XKR6: variants seen among roughly 807,000 people sequenced by gnomAD.
XKR6 encodes XK related 6, also known as XK-related protein 6.
A neutral mutation model predicts 56.7 loss-of-function variants in XKR6; 22 were observed. The ratio of observed to expected loss-of-function variants is 0.39; its 90% CI spans 0.28 to 0.55. The LOEUF is 0.55. Ranked by LOEUF, XKR6 falls within the 20% of genes least tolerant of loss-of-function variation. The probability of loss-of-function intolerance (pLI) is 0.66; values close to 1 mark genes in which losing one functional copy is unlikely to be tolerated. For synonymous variants in XKR6, 524 were observed against 387.8 expected (o/e 1.35, Z -4.13); for missense variants, 852 against 889.0 (o/e 0.96, Z 0.53).
chr8:10,970,634 T>G lies in XKR6; in HGVS notation c.765-45804A>C, dbSNP rs374756916. Reference sequence around the variant, plus strand: ...AACTGTTCATTCCTGTGATTCTCAGTGTTTTTCCTCATCAGGGTGGATTGT... The same window carrying G: ...AACTGTTCATTCCTGTGATTCTCAGGGTTTTTCCTCATCAGGGTGGATTGT... On this transcript the variant is annotated intron_variant, in intron 1 of 2. Transcript: ENST00000416569. Among the ~76,000 whole-genome samples the G allele has an allele frequency of 4.6e-5, 7 of 152,204 alleles. No individual in the cohort carries two copies. The East Asian group carries it at 7.7e-4, about 17-fold the overall frequency.
At chr8:10,966,869 C>T (rs978640596) in intron 1 of XKR6, among the ~76,000 whole-genome samples, 3 of 152,012 alleles carry the variant, frequency 2.0e-5, no homozygotes, top group Admixed American at 6.5e-5. Flanking sequence ...AATCACCTGA[C>T]GAGCCCTTCC....
chr8:10,958,245 A>G lies in XKR6; in HGVS notation c.765-33415T>C, dbSNP rs537921065. On this transcript the variant is annotated intron_variant, in intron 1 of 2. Coordinates refer to ENST00000416569, the MANE Select transcript of XKR6 (RefSeq NM_173683.4). ...ATGGCAACCAAGCCAAGTCATCTGC[A>G]GAAGGAACGTTCTCTGTGTGCCATC... is the stretch of plus-strand genomic sequence containing the variant. Among the ~76,000 whole-genome samples, 112 of 152,374 alleles carry G rather than the reference A, an allele frequency of 7.4e-4. 2 individuals carry two copies. The highest frequency in any genetic ancestry group is 5.9e-4 in the Non-Finnish European group (40 of 68,034).
At chr8:11,067,366 C>G (rs922045086) in intron 1 of XKR6, among the ~76,000 whole-genome samples, 16 of 152,226 alleles carry the variant, frequency 1.1e-4, no homozygotes, top group Non-Finnish European at 1.5e-4. Context: ...CAGAGCCCCC[C>G]ACCCGGGTGA....
intron 1 of XKR6, among the ~76,000 whole-genome samples, chr8:11,041,583 T>A (rs958398809): frequency 6.6e-6 from 1 of 150,784 alleles, no homozygotes; most frequent in African/African-American, 2.4e-5. Flanking sequence ...AACTTAGGTT[T>A]TGGGAATGAT....
chr8:10,908,416 C>T (rs1452555754), intron 2 of XKR6, among the ~76,000 whole-genome samples: 2 of 152,012 alleles, frequency 1.3e-5, no homozygotes, highest in Non-Finnish European at 2.9e-5. Flanking sequence ...TGGAACCAGC[C>T]TGCTTCCCCC....
chr8:11,009,179 G>A (rs954831346), intron 1 of XKR6, among the ~76,000 whole-genome samples: 3 of 152,062 alleles, frequency 2.0e-5, no homozygotes, highest in Non-Finnish European at 4.4e-5. Flanking sequence ...TTCCGTGTGT[G>A]TAAGTGGTGC....
Position 10,951,761 on chromosome 8 carries a change from C to G in XKR6, c.765-26931G>C, listed in dbSNP as rs560538634. 2.4e-4 allele frequency among the ~76,000 whole-genome samples: 37 copies of G among 152,330 alleles called. 1 individual carries two copies. Among genetic ancestry groups the G allele is most frequent in the Admixed American group, 2.2e-3 (33 of 15,304 alleles). ...GCAGGGCAGGCAGAAGCCACCCCAG[C>G]TGCATGTCAGTGGCCTTGGGAGAGG... On this transcript the variant is annotated intron_variant, in intron 1 of 2. Coordinates refer to ENST00000416569, the MANE Select transcript of XKR6 (RefSeq NM_173683.4).
chr8:10,912,333 TA>T (rs1800411388), intron 2 of XKR6, among the ~76,000 whole-genome samples: 1 of 118,280 alleles, frequency 8.5e-6, no homozygotes, highest in Non-Finnish European at 1.7e-5. Context: ...TATATATATA[TA>T]TATATATATG....
At chr8:11,026,174 C>G (rs1235730883) in intron 1 of XKR6, among the ~76,000 whole-genome samples, 1 of 152,008 alleles carries the variant, frequency 6.6e-6, no homozygotes, top group Non-Finnish European at 1.5e-5. Context: ...CCTAGATGGT[C>G]TAGCCTACTA....
chr8:11,196,678 C>A (rs1485756259), intron 1 of XKR6, among the ~76,000 whole-genome samples: 1 of 152,256 alleles, frequency 6.6e-6, no homozygotes, highest in African/African-American at 2.4e-5. Context: ...AAATCCAGTT[C>A]TCAAGCGTGG....
intron 1 of XKR6, among the ~76,000 whole-genome samples, chr8:11,086,149 T>TATATATATATATA (rs1554454135): frequency 2.1e-4 from 21 of 100,816 alleles, no homozygotes; most frequent in Middle Eastern, 4.2e-3. Flanking sequence ...TATATATATA[T>TATATATATATATA]TTTTTTTTAA....
At position 11,190,020 on chromosome 8, in the gene XKR6, G is replaced by T. The variant is rs28667475; in HGVS notation, c.764+10556C>A. On this transcript the variant is annotated intron_variant, in intron 1 of 2. Transcript: ENST00000416569. ...AAAAGTACAAAAATTAGACGGGTAT[G>T]GTGGCTCATGCCTGTAATCCCAGCT... 8.7e-3 allele frequency among the ~76,000 whole-genome samples: 1,322 copies of T among 152,176 alleles called. 17 individuals carry two copies. The highest frequency in any genetic ancestry group is 0.028 in the African/African-American group (1,170 of 41,496).
At chr8:11,070,863 G>A (rs1800096702) in intron 1 of XKR6, among the ~76,000 whole-genome samples, 2 of 152,172 alleles carry the variant, frequency 1.3e-5, no homozygotes, top group South Asian at 4.1e-4. Flanking sequence ...CTGCCTTCCT[G>A]CCCGCTGCCC....
At chr8:11,158,681 A>T (rs971310464) in intron 1 of XKR6, among the ~76,000 whole-genome samples, 2 of 152,238 alleles carry the variant, frequency 1.3e-5, no homozygotes, top group East Asian at 1.9e-4. Flanking sequence ...GCTCAATTCT[A>T]TTTATACAAT....
chr8:11,172,147 G>C (rs1473050224), intron 1 of XKR6, among the ~76,000 whole-genome samples: 1 of 151,958 alleles, frequency 6.6e-6, no homozygotes, highest in African/African-American at 2.4e-5. Context: ...GAGGCCAGCA[G>C]ATTGCTTGAG....
intron 1 of XKR6, among the ~76,000 whole-genome samples, chr8:11,084,839 C>G (rs980289749): frequency 3.9e-5 from 6 of 152,154 alleles, no homozygotes; most frequent in Non-Finnish European, 8.8e-5. Flanking sequence ...TACTCACACT[C>G]GATGGGAAAG....
chr8:10,929,023 G>A (rs1338943812), intron 1 of XKR6, among the ~76,000 whole-genome samples: 3 of 152,188 alleles, frequency 2.0e-5, no homozygotes, highest in Admixed American at 2.0e-4. Flanking sequence ...ATGGTCTGCG[G>A]GAATGGCCAG....
In XKR6 at chr8:11,200,436, G is replaced by A. The variant is rs1804145723; in HGVS notation, c.764+140C>T. On this transcript the variant is annotated intron_variant, in intron 1 of 2. Transcript: ENST00000416569. The surrounding 1 kb of genome is among the most constrained non-coding windows in gnomAD (Gnocchi z 6.4). ...CCAGATCAAACGCCGGTCTTTTGGA[G>A]ACGCCAGGGGCGGCGCGCGGCCGGT... 8.6e-6 allele frequency: 10 copies of A among 1,156,152 alleles called. No individual in the cohort carries two copies. The highest frequency in any genetic ancestry group is 3.1e-4 in the Middle Eastern group (1 of 3,266). The allele number at this position is 1,156,152 out of a possible 1,614,324, so 71.6% of individuals were successfully genotyped here.
intron 1 of XKR6, among the ~76,000 whole-genome samples, chr8:11,098,794 T>G (rs1483034738): frequency 6.6e-6 from 1 of 152,196 alleles, no homozygotes; most frequent in East Asian, 1.9e-4. Context: ...AAAGCTTTAC[T>G]TTCTTTTGAA....
Sources: gnomAD v4.1 joint callset for allele counts (sites outside exome capture counted in the v4.1 genomes callset) on GRCh38, gnomAD v4.1.1 for gene constraint, Gnocchi (gnomAD v3.1) non-coding constraint, MANE v1.5 for transcripts, NCBI Gene and HGNC (gene_info 2026-07-23, HGNC 2026-07-21) for gene names.